Variants in NCAPD3 observed in about 807,000 individuals in gnomAD.
NCAPD3 encodes condensin-2 complex subunit D3.
Under a neutral mutation model 182.9 loss-of-function variants are expected in NCAPD3, and 105 were observed. That is an observed-to-expected ratio of 0.57 (90% CI 0.49 to 0.68). The LOEUF is 0.68. NCAPD3 is among the 30% of genes least tolerant of loss of function. The probability of loss-of-function intolerance (pLI) is 0.00; values close to 1 mark genes in which losing one functional copy is unlikely to be tolerated. For synonymous variants in NCAPD3, 815 were observed against 679.9 expected (o/e 1.20, Z -3.09); for missense variants, 1,944 against 1,837.0 (o/e 1.06, Z -1.07).
At chr11:134,214,689 C>T (rs1182723433) in intron 3 of NCAPD3, among the ~76,000 whole-genome samples, 1 of 152,092 alleles carries the variant, frequency 6.6e-6, no homozygotes, top group African/African-American at 2.4e-5. Flanking sequence ...AAACAAAATA[C>T]AAATCACCAA....
intron 20 of NCAPD3, among the ~76,000 whole-genome samples, chr11:134,179,727 T>C (rs575991307): frequency 6.6e-6 from 1 of 152,372 alleles, no homozygotes; most frequent in South Asian, 2.1e-4. Context: ...TGCCATGCTG[T>C]GTTTCTTCAT....
At position 134,184,687 on chromosome 11, in the gene NCAPD3, C is replaced by T. The variant is rs759175654; in HGVS notation, c.2401G>A (p.Ala801Thr). 24 of 1,613,880 alleles carry T rather than the reference C, an allele frequency of 1.5e-5. No individual in the cohort carries two copies. Among genetic ancestry groups the T allele is most frequent in the East Asian group, 6.7e-5 (3 of 44,886 alleles). ...SLEVISSAVD[A>T]LQRLCRASAE... is the part of the protein sequence containing the mutation. The stretch of plus-strand genomic sequence containing the variant: ...GATGCTCTACAAAGCCTCTGCAAGG[C>T]GTCAACAGCTGAACTGATCACCTCT... Residue 801 changes from alanine to threonine, a missense_variant, in exon 19 of 35, where the codon GCC becomes ACC. Physicochemically the swap from Ala to Thr is moderately conservative, Grantham distance 58 (BLOSUM62 0). Around this residue, in one of 3 missense-constraint regions of NCAPD3, gnomAD observed 1,803 missense variants for 1,674.6 expected, o/e 1.08. Transcript: ENST00000534548.
At chr11:134,225,432 C>A (rs755011550), upstream of NCAPD3, 2 of 1,348,422 alleles carry the variant, frequency 1.5e-6, no homozygotes, top group East Asian at 4.9e-5. Flanking sequence ...TCCGGCGAGG[C>A]CTGTCACAGT....
chr11:134,171,558 A>C (rs1450341286), intron 24 of NCAPD3, among the ~76,000 whole-genome samples: 1 of 152,140 alleles, frequency 6.6e-6, no homozygotes, highest in African/African-American at 2.4e-5. Flanking sequence ...ATCTCAGGTT[A>C]GGACTGGGGC....
intron 3 of NCAPD3, among the ~76,000 whole-genome samples, chr11:134,215,473 A>C (rs866693088): frequency 3.9e-5 from 6 of 152,266 alleles, no homozygotes; most frequent in Non-Finnish European, 7.3e-5. Context: ...ATAGAAGATC[A>C]ATAATCAAAA....
In NCAPD3 at chr11:134,185,002, T is replaced by TAG; in HGVS notation, c.2238-4_2238-3dup. Reference sequence around the variant, plus strand: ...GTGTTTGAATTGGGATTCTGCTGACTAGAGAAAGGGCAGGAGGAATATGAA... The same window carrying TAG: ...GTGTTTGAATTGGGATTCTGCTGACTAGAGAGAAAGGGCAGGAGGAATATGAA... On this transcript the variant is annotated splice_polypyrimidine_tract_variant and splice_region_variant and intron_variant, in intron 17 of 34. Coordinates refer to ENST00000534548, the MANE Select transcript of NCAPD3 (RefSeq NM_015261.3). The TAG allele has an allele frequency of 6.2e-7, 1 of 1,602,190 alleles. No individual in the cohort carries two copies. Among genetic ancestry groups the TAG allele is most frequent in the Admixed American group, 1.7e-5 (1 of 59,998 alleles).
At chr11:134,200,395 C>T (rs924561356) in intron 13 of NCAPD3, among the ~76,000 whole-genome samples, 15 of 151,812 alleles carry the variant, frequency 9.9e-5, no homozygotes, top group African/African-American at 3.6e-4. Flanking sequence ...AAAAGATAAC[C>T]CAATTAAAAA....
Position 134,176,357 on chromosome 11 carries a change from C to T in NCAPD3, c.3051G>A (p.Leu1017=). 1 of 1,614,010 alleles carries T rather than the reference C, an allele frequency of 6.2e-7. No homozygotes were observed. Among genetic ancestry groups the T allele is most frequent in the South Asian group, 1.1e-5 (1 of 91,078 alleles). The part of the protein sequence containing the change: ...QEEFVKWKGS[L]FFRFVSTLID... ...TCAGAGTGCTGACAAATCGGAAGAA[C>T]AGGGAGCCCTTCCATTTCACAAATT... Residue 1017 remains leucine (L), a synonymous_variant, in exon 24 of 35, where the codon CTG becomes CTA. Coordinates refer to ENST00000534548, the MANE Select transcript of NCAPD3 (RefSeq NM_015261.3).
chr11:134,200,329 A>C (rs1944723338), intron 13 of NCAPD3, among the ~76,000 whole-genome samples: 1 of 152,258 alleles, frequency 6.6e-6, no homozygotes, highest in Admixed American at 6.5e-5. Context: ...CAAGTCTTTA[A>C]AAATCATATA....
At chr11:134,163,539 A>G (rs1943654490) in intron 27 of NCAPD3, among the ~76,000 whole-genome samples, 1 of 151,918 alleles carries the variant, frequency 6.6e-6, no homozygotes, top group South Asian at 2.1e-4. Flanking sequence ...CTCTACTAAA[A>G]ATACAAAAAA....
At chr11:134,222,130 G>A (rs2136036487) in intron 1 of NCAPD3, among the ~76,000 whole-genome samples, 1 of 152,308 alleles carries the variant, frequency 6.6e-6, no homozygotes, top group East Asian at 1.9e-4. Flanking sequence ...TGATTGTTGA[G>A]TGAGAGTATA....
At chr11:134,224,992 C>A, upstream of NCAPD3, 1 of 734,860 alleles carries the variant, frequency 1.4e-6, no homozygotes, top group Non-Finnish European at 1.8e-6. Flanking sequence ...GCGGCAGCGG[C>A]GGAGCCAGGC....
chr11:134,171,122 G>T (rs376554249), intron 24 of NCAPD3, among the ~76,000 whole-genome samples: 1 of 152,152 alleles, frequency 6.6e-6, no homozygotes, highest in Non-Finnish European at 1.5e-5. Flanking sequence ...AGAAATCTTA[G>T]TAAGCTGGGA....
At chr11:134,224,979 C>G (rs1377965076), upstream of NCAPD3, 5 of 612,666 alleles carry the variant, frequency 8.2e-6, no homozygotes, top group African/African-American at 9.8e-5. Context: ...CGCCCACTGC[C>G]CGGCGGCAGC....
At position 134,169,011 on chromosome 11, in the gene NCAPD3, G is replaced by C. The variant is rs192889859; in HGVS notation, c.3145C>G (p.Pro1049Ala). ...ATGAAGTGTTGGAAGAACATGACAGGGTTCCTCTTCAGTAACAGGTGAGCC... is the reference window on the plus strand; with the variant it reads ...ATGAAGTGTTGGAAGAACATGACAGCGTTCCTCTTCAGTAACAGGTGAGCC... Reference protein sequence around the residue: ...CLAHLLLKRNPVMFFQHFIEC... With the variant: ...CLAHLLLKRNAVMFFQHFIEC... Residue 1049 changes from proline to alanine, a missense_variant, in exon 25 of 35, where the codon CCT (proline) becomes GCT (alanine). By Grantham distance (27) the Pro-to-Ala change is conservative. Transcript: ENST00000534548. The C allele has an allele frequency of 5.0e-6, 8 of 1,613,926 alleles. No homozygotes were observed. Among genetic ancestry groups the C allele is most frequent in the South Asian group, 2.2e-5 (2 of 91,050 alleles).
At chr11:134,165,785 G>A (rs530433977) in intron 27 of NCAPD3, among the ~76,000 whole-genome samples, 7 of 131,338 alleles carry the variant, frequency 5.3e-5, no homozygotes, top group African/African-American at 2.1e-4. Flanking sequence ...ACTCGTGAGA[G>A]GAGCTTAGGG....
At chr11:134,201,741 T>C (rs1391415377) in intron 13 of NCAPD3, among the ~76,000 whole-genome samples, 1 of 152,244 alleles carries the variant, frequency 6.6e-6, no homozygotes, top group Non-Finnish European at 1.5e-5. Context: ...CCACCGTAAA[T>C]CCGTAACCTG....
chr11:134,196,798 A>G (rs1318147946), intron 13 of NCAPD3, among the ~76,000 whole-genome samples: 2 of 152,206 alleles, frequency 1.3e-5, no homozygotes, highest in Admixed American at 6.5e-5. Flanking sequence ...AATGAACAAC[A>G]ATCCTTCATG....
chr11:134,161,971 A>G, intron 27 of NCAPD3, 80 bp from the exon 28 acceptor site: 1 of 693,384 alleles, frequency 1.4e-6, no homozygotes, highest in Non-Finnish European at 2.4e-6. Flanking sequence ...TTCTTTGAGT[A>G]GAGCCACCCT....
Sources: allele counts gnomAD v4.1 joint callset (sites outside exome capture counted in the v4.1 genomes callset), GRCh38; gene constraint gnomAD v4.1.1; regional missense constraint gnomAD v4.1.1; transcripts MANE v1.5; gene names NCBI Gene and HGNC (gene_info 2026-07-23, HGNC 2026-07-21).